Variants in MAP3K2 observed in about 807,000 individuals in gnomAD.
MAP3K2 encodes MAP/ERK kinase kinase 2.
In MAP3K2, 24 loss-of-function variants were observed where a neutral mutation model predicts 80.3. The observed-to-expected ratio is 0.30, with a 90% CI of 0.22 to 0.42. The LOEUF (loss-of-function observed/expected upper bound fraction) is 0.42, where lower values mean the gene tolerates loss of function less well. Among genes scored for constraint, MAP3K2 ranks in the 10% least tolerant of loss-of-function variants. The pLI is 1.00. For synonymous variants in MAP3K2, 244 were observed against 253.7 expected, an observed-to-expected ratio of 0.96 and a Z score of 0.36; for missense variants, 608 against 750.1, an observed-to-expected ratio of 0.81 and a Z score of 2.21.
chr2:127,339,189 T>C lies in MAP3K2; in HGVS notation c.5-139A>G. 1 of 593,452 alleles carries C rather than the reference T, an allele frequency of 1.7e-6. No individual in the cohort carries two copies. The highest frequency in any genetic ancestry group is 2.9e-5 in the East Asian group (1 of 34,944). 36.8% of individuals were successfully genotyped at this position (593,452 alleles called of 1,614,324 possible). Reference sequence around the variant, plus strand: ...ATGCAAAAATGCATCTAGAACATTTTTAATGCCTACACTTTTGGTAAAATA... The same window carrying C: ...ATGCAAAAATGCATCTAGAACATTTCTAATGCCTACACTTTTGGTAAAATA... On this transcript the variant is annotated intron_variant, in intron 2 of 16. Coordinates refer to ENST00000682094, the MANE Select transcript of MAP3K2 (RefSeq NM_001371910.2). This position sits in a 1 kb window ranked among gnomAD's most constrained non-coding sequence, Gnocchi z 4.2.
At chr2:127,356,423 A>T (rs1260218208) in intron 1 of MAP3K2, among the ~76,000 whole-genome samples, 2 of 152,234 alleles carry the variant, frequency 1.3e-5, no homozygotes, top group Admixed American at 6.5e-5. Context: ...CATTATGGCT[A>T]AAAACTGTAT....
chr2:127,367,988 A>C (rs1399598704), intron 1 of MAP3K2, among the ~76,000 whole-genome samples: 1 of 152,216 alleles, frequency 6.6e-6, no homozygotes, highest in Non-Finnish European at 1.5e-5. Context: ...AGGACCCCAT[A>C]GATAACAAAA....
rs562627129 is a variant in MAP3K2 at position 127,387,251 on chromosome 2, G to A, written c.-66+201C>T. Among the ~76,000 whole-genome samples the A allele has an allele frequency of 5.2e-3, 798 of 152,170 alleles. 9 individuals carry two copies. The highest frequency in any genetic ancestry group is 0.018 in the African/African-American group (764 of 41,542). On this transcript the variant is annotated intron_variant, in intron 1 of 16. Transcript: ENST00000682094. ...CAGCAGCCTACTTCGCGCTGACCTG[G>A]GCTTTAGGACTGGATGCAGGGGGCC... is the stretch of plus-strand genomic sequence containing the variant.
chr2:127,377,632 T>C (rs1380250130), intron 1 of MAP3K2, among the ~76,000 whole-genome samples: 1 of 152,188 alleles, frequency 6.6e-6, no homozygotes, highest in African/African-American at 2.4e-5. Flanking sequence ...AAAAATATGA[T>C]ATACCATAGT....
chr2:127,323,966 A>C lies in MAP3K2; in HGVS notation c.774T>G (p.Phe258Leu). 6.4e-7 allele frequency: 1 copy of C among 1,557,280 alleles called. No homozygotes were observed. Among genetic ancestry groups the C allele is most frequent in the African/African-American group, 1.4e-5 (1 of 73,562 alleles). The change falls in exon 11 of 17, where the codon TTT (phenylalanine) becomes TTG (leucine). Residue 258 changes from phenylalanine (F) to leucine (L), a missense_variant. This residue lies in a region of MAP3K2 where 467 missense variants were observed against 521.9 expected (regional missense o/e 0.89). Transcript: ENST00000682094. ...SDYDNPIFEK[F>L]GKGGTYPRRY... is the part of the protein sequence containing the mutation. ...TTCTTGGATATGTTCCTCCTTTTCCAAATTTCTCAAAGATAGGGTTATCAT... is the reference window on the plus strand; with the variant it reads ...TTCTTGGATATGTTCCTCCTTTTCCCAATTTCTCAAAGATAGGGTTATCAT...
intron 1 of MAP3K2, among the ~76,000 whole-genome samples, chr2:127,351,700 T>C (rs977773964): frequency 1.3e-5 from 2 of 152,112 alleles, no homozygotes; most frequent in African/African-American, 2.4e-5. Context: ...CAAACTCTAA[T>C]ATAACTCATT....
chr2:127,365,495 A>G (rs1686957596), intron 1 of MAP3K2, among the ~76,000 whole-genome samples: 1 of 152,160 alleles, frequency 6.6e-6, no homozygotes, highest in South Asian at 2.1e-4. Context: ...GACTTTCTGA[A>G]GAGTATGGTT....
At chr2:127,350,766 C>T (rs1277208496) in intron 1 of MAP3K2, among the ~76,000 whole-genome samples, 3 of 151,776 alleles carry the variant, frequency 2.0e-5, no homozygotes, top group South Asian at 4.1e-4. Context: ...AAAAAAAGTA[C>T]CCTTTCTAGT....
rs1225467638 is a variant in MAP3K2, at chr2:127,322,809, G to A, written c.839-557C>T. On this transcript the variant is annotated intron_variant, in intron 11 of 16. Transcript: ENST00000682094. This position sits in a 1 kb window ranked among gnomAD's most constrained non-coding sequence, Gnocchi z 4.2. ...GGGGTTTCATCACGTTGGCCAGGCT[G>A]GTCTCATACTCCTGACCTCAGGTGA... 6.6e-6 allele frequency among the ~76,000 whole-genome samples: 1 copy of A among 151,264 alleles called. No homozygotes were observed. Among genetic ancestry groups the A allele is most frequent in the African/African-American group, 2.4e-5 (1 of 41,262 alleles).
At chr2:127,381,701 A>ACCTTACTC (rs1339461962) in intron 1 of MAP3K2, among the ~76,000 whole-genome samples, 1 of 152,208 alleles carries the variant, frequency 6.6e-6, no homozygotes, top group Non-Finnish European at 1.5e-5. Flanking sequence ...AATATACCTC[A>ACCTTACTC]CCTTACTCCT....
intron 5 of MAP3K2, among the ~76,000 whole-genome samples, chr2:127,333,825 G>A (rs1427619608): frequency 1.6e-4 from 24 of 152,100 alleles, no homozygotes; most frequent in Non-Finnish European, 2.6e-4. Context: ...CAGGCCAGGC[G>A]CGGTGGCTCA....
intron 1 of MAP3K2, among the ~76,000 whole-genome samples, chr2:127,346,795 C>G (rs1045136565): frequency 2.0e-5 from 3 of 151,822 alleles, no homozygotes; most frequent in Admixed American, 2.0e-4. Flanking sequence ...CGAAATCAGC[C>G]TGGCCAACAT....
chr2:127,374,759 G>A (rs549242131), intron 1 of MAP3K2, among the ~76,000 whole-genome samples: 75 of 152,154 alleles, frequency 4.9e-4, no homozygotes, highest in South Asian at 1.0e-3. Context: ...TTTATGGGAC[G>A]GCCCACAGAA....
chr2:127,345,720 A>G (rs533894747), intron 1 of MAP3K2, among the ~76,000 whole-genome samples: 2 of 152,246 alleles, frequency 1.3e-5, no homozygotes, highest in Non-Finnish European at 2.9e-5. Flanking sequence ...CAACACAAGG[A>G]TATCTGGAAA....
At chr2:127,381,921 G>T (rs900043008) in intron 1 of MAP3K2, among the ~76,000 whole-genome samples, 1 of 60,434 alleles carries the variant, frequency 1.7e-5, no homozygotes. Flanking sequence ...GCTATGACGG[G>T]GGGAGGGGGG....
At chr2:127,330,105 G>C (rs1490803929) in intron 6 of MAP3K2, 97 bp from the exon 7 acceptor site, 6 of 726,876 alleles carry the variant, frequency 8.3e-6, no homozygotes, top group Admixed American at 2.6e-5. Context: ...TATATTGTTT[G>C]TGAGCCTTAA....
At chr2:127,342,601 T>C (rs1686517876) in intron 2 of MAP3K2, among the ~76,000 whole-genome samples, 1 of 152,110 alleles carries the variant, frequency 6.6e-6, no homozygotes, top group Non-Finnish European at 1.5e-5. Context: ...CCTTCTAGTG[T>C]CTTCCTGTCT....
chr2:127,368,092 C>T (rs1237693369), intron 1 of MAP3K2, among the ~76,000 whole-genome samples: 1 of 152,024 alleles, frequency 6.6e-6, no homozygotes, highest in East Asian at 1.9e-4. Flanking sequence ...GAGGCCGAGG[C>T]GGGTGGATCA....
rs530969813 is a variant in MAP3K2, at chr2:127,298,815, T to C, written c.*8764A>G. 2.6e-5 allele frequency: 4 copies of C among 152,330 alleles called. No individual in the cohort carries two copies. Among genetic ancestry groups the C allele is most frequent in the East Asian group, 1.9e-4 (1 of 5,186 alleles). The allele number at this position is 152,330 out of a possible 1,614,324, so 9.4% of individuals were successfully genotyped here. A position where few individuals can be genotyped will look rare whatever the true frequency, so the allele number is the denominator to read the frequency against. On this transcript the variant is annotated 3_prime_UTR_variant, in exon 17 of 17. Coordinates refer to ENST00000682094, the MANE Select transcript of MAP3K2 (RefSeq NM_001371910.2). ...AACATGTAAGAAAAAGCAGTTTTCATTGTGCTAATTATTGCAGGCCTTCAT... is the reference window on the plus strand; with the variant it reads ...AACATGTAAGAAAAAGCAGTTTTCACTGTGCTAATTATTGCAGGCCTTCAT...
Sources: allele counts gnomAD v4.1 joint callset (sites outside exome capture counted in the v4.1 genomes callset), GRCh38; gene constraint gnomAD v4.1.1; regional missense constraint gnomAD v4.1.1; non-coding constraint Gnocchi (gnomAD v3.1); transcripts MANE v1.5; gene names NCBI Gene and HGNC (gene_info 2026-07-23, HGNC 2026-07-21).